The following C1GALT1 variants were observed in gnomAD, a reference collection of about 807,000 sequenced individuals.
C1GALT1 encodes core 1 synthase, glycoprotein-N-acetylgalactosamine 3-beta-galactosyltransferase 1, also known as glycoprotein-N-acetylgalactosamine 3-beta-galactosyltransferase 1.
Under a neutral mutation model 31.0 loss-of-function variants are expected in C1GALT1, and 11 were observed. The observed-to-expected ratio is 0.36, with a 90% CI of 0.22 to 0.59. The LOEUF (loss-of-function observed/expected upper bound fraction) is 0.59. C1GALT1 is among the 20% of genes least tolerant of loss of function. The pLI is 0.79. For synonymous variants in C1GALT1, 175 were observed against 143.6 expected, an observed-to-expected ratio of 1.22 and a Z score of -1.56; for missense variants, 424 against 425.2, an observed-to-expected ratio of 1.00 and a Z score of 0.03.
intron 1 of C1GALT1, among the ~76,000 whole-genome samples, chr7:7,186,247 C>G (rs1338161828): frequency 6.6e-6 from 1 of 152,186 alleles, no homozygotes; most frequent in Non-Finnish European, 1.5e-5. Context: ...TTTAAAGACT[C>G]CAGCTCTCAA....
chr7:7,228,597 C>T (rs906592215), intron 1 of C1GALT1, among the ~76,000 whole-genome samples: 1 of 151,470 alleles, frequency 6.6e-6, no homozygotes, highest in African/African-American at 2.4e-5. Context: ...CTATTTTATC[C>T]CAGGAGCAGG....
chr7:7,216,455 T>C (rs1190244226), intron 1 of C1GALT1, among the ~76,000 whole-genome samples: 1 of 152,112 alleles, frequency 6.6e-6, no homozygotes, highest in Admixed American at 6.5e-5. Flanking sequence ...TGATTTCTCT[T>C]TGACTTCCTA....
intron 1 of C1GALT1, chr7:7,209,566 G>C (rs1338495459): frequency 6.6e-6 from 1 of 152,220 alleles, no homozygotes; most frequent in Non-Finnish European, 1.5e-5. Flanking sequence ...TCTGCTTCCA[G>C]GTATGTCTTA....
chr7:7,218,070 G>C (rs924020375), intron 1 of C1GALT1, among the ~76,000 whole-genome samples: 3 of 152,178 alleles, frequency 2.0e-5, no homozygotes, highest in African/African-American at 7.2e-5. Context: ...AATTTGATGG[G>C]ATAGTATTAT....
At chr7:7,200,929 C>T (rs528955659) in intron 1 of C1GALT1, among the ~76,000 whole-genome samples, 3 of 152,284 alleles carry the variant, frequency 2.0e-5, no homozygotes, top group South Asian at 2.1e-4. Flanking sequence ...AGCTTCTTTG[C>T]GATGGGTTCG....
intron 1 of C1GALT1, among the ~76,000 whole-genome samples, chr7:7,215,949 G>A (rs77723319): frequency 0.029 from 4,439 of 152,152 alleles, 223 homozygotes; most frequent in African/African-American, 0.1. Context: ...CCCCAAATAA[G>A]GGGGACCCCT....
At chr7:7,240,933 G>A (rs1783598815) in intron 3 of C1GALT1, among the ~76,000 whole-genome samples, 1 of 151,630 alleles carries the variant, frequency 6.6e-6, no homozygotes, top group Admixed American at 6.6e-5. Flanking sequence ...AGCAAGTCAG[G>A]GTAAAAGATA....
chr7:7,224,107 C>G (rs931730834), intron 1 of C1GALT1, among the ~76,000 whole-genome samples: 1 of 152,136 alleles, frequency 6.6e-6, no homozygotes, highest in Non-Finnish European at 1.5e-5. Flanking sequence ...ATAAACTCTA[C>G]TTGGTCATAA....
At position 7,238,696 on chromosome 7, in the gene C1GALT1, A is replaced by G. The variant is rs1233489096; in HGVS notation, c.662A>G (p.Lys221Arg). 1.9e-6 allele frequency: 3 copies of G among 1,613,938 alleles called. No individual in the cohort carries two copies. The highest frequency in any genetic ancestry group is 2.7e-5 in the African/African-American group (2 of 74,918). Residue 221 changes from lysine (K) to arginine (R), a missense_variant, in exon 3 of 4, where the codon AAA becomes AGA. By Grantham distance (26) the Lys-to-Arg change is conservative. Coordinates refer to ENST00000436587, the MANE Select transcript of C1GALT1 (RefSeq NM_020156.5). The surrounding 1 kb of genome is among the most constrained non-coding windows in gnomAD (Gnocchi z 5.2). ...TATGTACTAAGCAAAGAAGCCTTGAAAAGATTTGTTGATGCATTTAAAACA... is the reference window on the plus strand; with the variant it reads ...TATGTACTAAGCAAAGAAGCCTTGAGAAGATTTGTTGATGCATTTAAAACA... ...AGYVLSKEALKRFVDAFKTDK... is the reference protein window; with the variant it reads ...AGYVLSKEALRRFVDAFKTDK...
Position 7,245,915 on chromosome 7 carries a change from G to C in C1GALT1, c.*2188G>C, listed in dbSNP as rs1209961825. On this transcript the variant is annotated 3_prime_UTR_variant, in exon 4 of 4. Transcript: ENST00000436587. The stretch of plus-strand genomic sequence containing the variant: ...TCAATTTCCTCATCTTTTAATTAGG[G>C]ATGATAATACTACCTACCTCACAGG... 6.6e-6 allele frequency: 1 copy of C among 152,084 alleles called. No individual in the cohort carries two copies. Among genetic ancestry groups the C allele is most frequent in the Non-Finnish European group, 1.5e-5 (1 of 68,016 alleles). 9.4% of individuals were successfully genotyped at this position (152,084 alleles called of 1,614,324 possible). A position where few individuals can be genotyped will look rare whatever the true frequency, so the allele number is the denominator to read the frequency against.
rs1159171393 is a variant in C1GALT1 at position 7,184,188 on chromosome 7, TA to T, written c.-18+1371del. ...TATAGATGTACAGTTTAAGTGAATA[TA>T]AAGTTTCAAGTTAGCAAACAGTTAA... On this transcript the variant is annotated intron_variant, in intron 1 of 3. Transcript: ENST00000436587. 3.3e-5 allele frequency among the ~76,000 whole-genome samples: 5 copies of T among 152,216 alleles called. No homozygotes were observed. In the East Asian group the frequency reaches 9.6e-4, roughly 29 times the overall value.
intron 1 of C1GALT1, among the ~76,000 whole-genome samples, chr7:7,228,465 T>C (rs990239398): frequency 6.6e-6 from 1 of 152,154 alleles, no homozygotes; most frequent in African/African-American, 2.4e-5. Flanking sequence ...TAAGCCCTCA[T>C]AATGTGCAGT....
At chr7:7,178,822 C>T (rs1352778482), upstream of C1GALT1, among the ~76,000 whole-genome samples, 3 of 152,174 alleles carry the variant, frequency 2.0e-5, no homozygotes, top group Non-Finnish European at 1.5e-5. Context: ...TATGAGTTAC[C>T]TATTGTTGTA....
In C1GALT1 at chr7:7,182,648, C is replaced by CCGCGG. The variant is rs1780632993; in HGVS notation, c.-187_-186insGGCGC. ...GGAGCGCGCGCTGGGCCCGCCTTGG[C>CCGCGG]CGCCGCCGCTGTGCTGCCGCTGCCG... On this transcript the variant is annotated 5_prime_UTR_variant, in exon 1 of 4. Coordinates refer to ENST00000436587, the MANE Select transcript of C1GALT1 (RefSeq NM_020156.5). The CCGCGG allele has an allele frequency of 3.4e-6, 1 of 298,220 alleles. No homozygotes were observed. Among genetic ancestry groups the CCGCGG allele is most frequent in the Non-Finnish European group, 5.0e-6 (1 of 201,818 alleles). 18.5% of individuals were successfully genotyped at this position (298,220 alleles called of 1,614,324 possible). A position where few individuals can be genotyped will look rare whatever the true frequency, so the allele number is the denominator to read the frequency against.
intron 2 of C1GALT1, among the ~76,000 whole-genome samples, chr7:7,166,492 G>C (rs1004336147): frequency 3.9e-5 from 6 of 152,098 alleles, no homozygotes; most frequent in African/African-American, 1.4e-4. Flanking sequence ...TGGTTGCTTG[G>C]AGATGGGGCA....
intron 1 of C1GALT1, among the ~76,000 whole-genome samples, chr7:7,219,136 C>T (rs1008736526): frequency 6.6e-6 from 1 of 152,162 alleles, no homozygotes; most frequent in Non-Finnish European, 1.5e-5. Context: ...CTGCGCCTGG[C>T]ATGGAAATAG....
chr7:7,240,023 A>AT (rs1320296837), intron 3 of C1GALT1, among the ~76,000 whole-genome samples: 1 of 152,182 alleles, frequency 6.6e-6, no homozygotes, highest in East Asian at 1.9e-4. Context: ...CTAGTTCTCT[A>AT]TGCCTTCTTT....
intron 3 of C1GALT1, 22 bp from the exon 4 acceptor site, chr7:7,243,502 C>T: frequency 1.3e-6 from 2 of 1,557,414 alleles, no homozygotes; most frequent in Non-Finnish European, 1.7e-6. Context: ...ATTAACAATA[C>T]CTGTTTCCAC....
At position 7,182,834 on chromosome 7, in the gene C1GALT1, A is replaced by T. The variant is rs1780642741; in HGVS notation, c.-18+14A>T. On this transcript the variant is annotated intron_variant, in intron 1 of 3. Coordinates refer to ENST00000436587, the MANE Select transcript of C1GALT1 (RefSeq NM_020156.5). The stretch of plus-strand genomic sequence containing the variant: ...AGCTGATGTCAGGTATGGCCGGCGG[A>T]GGCGCCCTCAGGCTACGGGTCCAAG... The T allele has an allele frequency of 1.0e-6, 1 of 985,376 alleles. No individual in the cohort carries two copies. Among genetic ancestry groups the T allele is most frequent in the Non-Finnish European group, 1.2e-6 (1 of 830,058 alleles). 61.0% of individuals were successfully genotyped at this position (985,376 alleles called of 1,614,324 possible). A position where few individuals can be genotyped will look rare whatever the true frequency, so the allele number is the denominator to read the frequency against.
Sources: allele counts gnomAD v4.1 joint callset (sites outside exome capture counted in the v4.1 genomes callset), GRCh38; gene constraint gnomAD v4.1.1; non-coding constraint Gnocchi (gnomAD v3.1); transcripts MANE v1.5; gene names NCBI Gene and HGNC (gene_info 2026-07-23, HGNC 2026-07-21).